The following PTPRK variants were observed in gnomAD, a reference collection of about 807,000 sequenced individuals.
PTPRK encodes the protein protein tyrosine phosphatase receptor type K.
PTPRK carries 75 observed loss-of-function variants against 178.0 expected under a neutral mutation model. The ratio of observed to expected loss-of-function variants is 0.42; its 90% CI spans 0.35 to 0.51. The LOEUF (loss-of-function observed/expected upper bound fraction) is 0.51. Ranked by LOEUF, PTPRK falls within the 20% of genes least tolerant of loss-of-function variation. The probability of loss-of-function intolerance (pLI) is 0.02; values close to 1 mark genes in which losing one functional copy is unlikely to be tolerated. For synonymous variants in PTPRK, 637 were observed against 620.6 expected, an observed-to-expected ratio of 1.03 and a Z score of -0.39; for missense variants, 1,441 against 1,797.8, an observed-to-expected ratio of 0.80 and a Z score of 3.59.
At chr6:128,058,270 A>G (rs1335664128) in intron 13 of PTPRK, among the ~76,000 whole-genome samples, 1 of 152,164 alleles carries the variant, frequency 6.6e-6, no homozygotes, top group Non-Finnish European at 1.5e-5. Flanking sequence ...TTATACCCCC[A>G]CCAGCAGGAT....
In PTPRK at chr6:128,217,685, G is replaced by A. The variant is rs530579345; in HGVS notation, c.868+1237C>T. Among the ~76,000 whole-genome samples the A allele has an allele frequency of 1.7e-3, 253 of 152,126 alleles. 1 individual carries two copies. The highest frequency in any genetic ancestry group is 3.4e-3 in the Middle Eastern group (1 of 294). On this transcript the variant is annotated intron_variant, in intron 6 of 29. Transcript: ENST00000368226. Reference sequence around the variant, plus strand: ...ATATCTCATATTCTCCTTCCAGCCCGTAGGCCTCGGCATGTGCTGTGTTCT... The same window carrying A: ...ATATCTCATATTCTCCTTCCAGCCCATAGGCCTCGGCATGTGCTGTGTTCT...
intron 7 of PTPRK, among the ~76,000 whole-genome samples, chr6:128,166,951 T>C (rs373138744): frequency 1.3e-5 from 2 of 151,894 alleles, no homozygotes; most frequent in African/African-American, 4.8e-5. Flanking sequence ...TTCTGTTTCC[T>C]AGTGTTCCTG....
intron 3 of PTPRK, among the ~76,000 whole-genome samples, chr6:128,285,814 A>AAAATAAAT (rs200532531): frequency 8.6e-5 from 13 of 151,690 alleles, no homozygotes; most frequent in African/African-American, 1.7e-4. Flanking sequence ...AAAAGTCTCC[A>AAAATAAAT]AAATAAATAA....
chr6:128,435,102 A>C (rs144976081), intron 1 of PTPRK, among the ~76,000 whole-genome samples: 1,822 of 70,114 alleles, frequency 0.026, 24 homozygotes, highest in South Asian at 0.047. Flanking sequence ...GGAAGGAAGG[A>C]AGGAAGGCAG....
At chr6:128,227,276 TAG>T (rs1811521742) in intron 5 of PTPRK, among the ~76,000 whole-genome samples, 2 of 152,114 alleles carry the variant, frequency 1.3e-5, no homozygotes, top group Non-Finnish European at 2.9e-5. Context: ...ATGCAATTTA[TAG>T]AGTGAGAGGG....
intron 1 of PTPRK, among the ~76,000 whole-genome samples, chr6:128,426,821 T>C (rs183114534): frequency 2.5e-4 from 38 of 152,300 alleles, no homozygotes; most frequent in Admixed American, 7.2e-4. Flanking sequence ...AAATTAAATA[T>C]ATAATGTTCC....
chr6:128,246,166 A>G (rs937567307), intron 3 of PTPRK, among the ~76,000 whole-genome samples: 12 of 152,168 alleles, frequency 7.9e-5, no homozygotes, highest in African/African-American at 2.9e-4. Flanking sequence ...AAAAGTTTTT[A>G]AAAATCATTT....
intron 3 of PTPRK, among the ~76,000 whole-genome samples, chr6:128,274,030 C>A: frequency 6.6e-6 from 1 of 152,018 alleles, no homozygotes; most frequent in Non-Finnish European, 1.5e-5. Context: ...ACAACAGAAT[C>A]TACTAGACTA....
chr6:128,007,914 C>T lies in PTPRK; in HGVS notation c.2333+1216G>A, dbSNP rs765352657. 4.1e-5 allele frequency: 21 copies of T among 511,004 alleles called. 1 individual carries two copies. Among genetic ancestry groups the T allele is most frequent in the Non-Finnish European group, 6.8e-5 (20 of 295,014 alleles). 31.7% of individuals were successfully genotyped at this position (511,004 alleles called of 1,614,324 possible). A position where few individuals can be genotyped will look rare whatever the true frequency, so the allele number is the denominator to read the frequency against. ...GATCTTTACTGGCAAATTTTTATTG[C>T]TAAAATACTTAAAACTTTTGCCTCA... On this transcript the variant is annotated intron_variant, in intron 14 of 29. Transcript: ENST00000368226.
intron 1 of PTPRK, among the ~76,000 whole-genome samples, chr6:128,517,281 T>A (rs1422549840): frequency 6.6e-6 from 1 of 152,126 alleles, no homozygotes; most frequent in African/African-American, 2.4e-5. Flanking sequence ...AAAAAACATG[T>A]GGAAAGGTCA....
intron 1 of PTPRK, among the ~76,000 whole-genome samples, chr6:128,422,866 G>A (rs1480003919): frequency 5.9e-5 from 9 of 151,846 alleles, no homozygotes; most frequent in African/African-American, 1.5e-4. Context: ...ACTCAAAATG[G>A]GCATACAGTC....
At chr6:128,050,097 T>C (rs146969599) in intron 13 of PTPRK, among the ~76,000 whole-genome samples, 4,383 of 152,084 alleles carry the variant, frequency 0.029, 224 homozygotes, top group African/African-American at 0.1. Flanking sequence ...GATCACGCCA[T>C]TGAACTCCAG....
At chr6:128,293,722 G>C (rs1036786244) in intron 3 of PTPRK, among the ~76,000 whole-genome samples, 3 of 152,004 alleles carry the variant, frequency 2.0e-5, no homozygotes, top group African/African-American at 7.2e-5. Flanking sequence ...ACTTTTCCAG[G>C]AATTATCTGA....
At chr6:128,135,114 ACT>A (rs1554309257) in intron 7 of PTPRK, among the ~76,000 whole-genome samples, 1 of 149,760 alleles carries the variant, frequency 6.7e-6, no homozygotes, top group Non-Finnish European at 1.5e-5. Flanking sequence ...ACACACACAC[ACT>A]CTCCTAATAA....
At chr6:128,379,997 T>A (rs1429432898) in intron 2 of PTPRK, among the ~76,000 whole-genome samples, 1 of 152,174 alleles carries the variant, frequency 6.6e-6, no homozygotes. Context: ...CAAAGTAATT[T>A]ATCTAAGCAT....
At chr6:127,990,724 G>T in intron 21 of PTPRK, 45 bp downstream of exon 21, 1 of 1,250,210 alleles carries the variant, frequency 8.0e-7, no homozygotes, top group South Asian at 1.3e-5. Context: ...AAGAGAAAAA[G>T]CAGTTTTGAT....
intron 1 of PTPRK, among the ~76,000 whole-genome samples, chr6:128,421,390 G>T (rs999455276): frequency 2.6e-5 from 4 of 152,122 alleles, no homozygotes; most frequent in Admixed American, 1.3e-4. Context: ...CGGTATTTGT[G>T]GCAGAAGATA....
chr6:128,142,059 T>C (rs1481693971), intron 7 of PTPRK, among the ~76,000 whole-genome samples: 4 of 151,962 alleles, frequency 2.6e-5, no homozygotes, highest in African/African-American at 9.7e-5. Context: ...TATGTGCATT[T>C]AGTTATATAT....
chr6:128,178,934 C>G, intron 7 of PTPRK, among the ~76,000 whole-genome samples: 1 of 151,776 alleles, frequency 6.6e-6, no homozygotes, highest in Non-Finnish European at 1.5e-5. Context: ...AATTTGCAGT[C>G]TACCTGAAAA....
Sources: allele counts gnomAD v4.1 joint callset (sites outside exome capture counted in the v4.1 genomes callset), GRCh38; gene constraint gnomAD v4.1.1; transcripts MANE v1.5; gene names NCBI Gene and HGNC (gene_info 2026-07-23, HGNC 2026-07-21).